CACNA2D1: variants seen among roughly 807,000 people sequenced by gnomAD.
The protein encoded by CACNA2D1 is calcium voltage-gated channel auxiliary subunit alpha2delta 1.
CACNA2D1 carries 53 observed loss-of-function variants against 171.5 expected under a neutral mutation model. The observed-to-expected ratio is 0.31, with a 90% CI of 0.25 to 0.39. CACNA2D1 has a LOEUF of 0.39. CACNA2D1 is among the 10% of genes least tolerant of loss of function. CACNA2D1 has a pLI of 1.00. For synonymous variants in CACNA2D1, 442 were observed against 443.1 expected (o/e 1.00, Z 0.03); for missense variants, 903 against 1,299.8 (o/e 0.69, Z 4.69).
At chr7:82,219,649 T>C (rs1221786708) in intron 3 of CACNA2D1, among the ~76,000 whole-genome samples, 8 of 152,134 alleles carry the variant, frequency 5.3e-5, no homozygotes, top group Non-Finnish European at 7.4e-5. Context: ...AGTCTCAGCT[T>C]TCTGAAAAGT....
chr7:82,415,186 G>A, intron 1 of CACNA2D1, among the ~76,000 whole-genome samples: 1 of 152,084 alleles, frequency 6.6e-6, no homozygotes, highest in Non-Finnish European at 1.5e-5. Context: ...AAATCTCTTT[G>A]TCCAAGAATG....
chr7:82,398,916 TTTCC>T (rs1826038350), intron 1 of CACNA2D1, among the ~76,000 whole-genome samples: 1 of 151,914 alleles, frequency 6.6e-6, no homozygotes, highest in Non-Finnish European at 1.5e-5. Flanking sequence ...TCTACCCTTC[TTTCC>T]TTCCTTCCAT....
intron 3 of CACNA2D1, among the ~76,000 whole-genome samples, chr7:82,203,992 T>C (rs1799755280): frequency 2.0e-5 from 3 of 152,200 alleles, no homozygotes; most frequent in Admixed American, 2.0e-4. Flanking sequence ...GCAAGAGATC[T>C]TGGGACCTGT....
At chr7:82,010,410 T>C (rs1161329523) in intron 15 of CACNA2D1, among the ~76,000 whole-genome samples, 1 of 151,484 alleles carries the variant, frequency 6.6e-6, no homozygotes, top group Non-Finnish European at 1.5e-5. Context: ...TTTCAGCTTA[T>C]AGCACAGCAC....
chr7:82,429,225 T>C (rs925477146), intron 1 of CACNA2D1, among the ~76,000 whole-genome samples: 4 of 152,220 alleles, frequency 2.6e-5, no homozygotes, highest in African/African-American at 9.6e-5. Flanking sequence ...ATTTTCTTCA[T>C]ATCTTATAAC....
At chr7:82,176,546 G>C (rs1189145012) in intron 3 of CACNA2D1, among the ~76,000 whole-genome samples, 1 of 151,824 alleles carries the variant, frequency 6.6e-6, no homozygotes, top group African/African-American at 2.4e-5. Context: ...AAAAGGTTCT[G>C]TTAGCTAAAG....
At chr7:82,425,353 T>C (rs1220309165) in intron 1 of CACNA2D1, among the ~76,000 whole-genome samples, 1 of 152,104 alleles carries the variant, frequency 6.6e-6, no homozygotes, top group Non-Finnish European at 1.5e-5. Flanking sequence ...AGGCAACACC[T>C]TACTGCAGCC....
chr7:82,262,117 G>A (rs532369256), intron 3 of CACNA2D1, among the ~76,000 whole-genome samples: 117 of 152,306 alleles, frequency 7.7e-4, no homozygotes, highest in Admixed American at 1.2e-3. Context: ...AGATCACGAG[G>A]TCAGGAGATC....
chr7:82,150,725 T>C (rs1390152905), intron 4 of CACNA2D1, among the ~76,000 whole-genome samples: 1 of 152,180 alleles, frequency 6.6e-6, no homozygotes, highest in Non-Finnish European at 1.5e-5. Flanking sequence ...TATAATTAAA[T>C]GACATTCATT....
At chr7:82,255,797 G>A (rs537275349) in intron 3 of CACNA2D1, among the ~76,000 whole-genome samples, 154 of 152,280 alleles carry the variant, frequency 1.0e-3, no homozygotes, top group African/African-American at 3.6e-3. Context: ...TTCTTTCCTT[G>A]TTTGAATTAC....
intron 1 of CACNA2D1, among the ~76,000 whole-genome samples, chr7:82,367,513 T>C (rs1045858236): frequency 6.6e-6 from 1 of 152,138 alleles, no homozygotes; most frequent in Non-Finnish European, 1.5e-5. Flanking sequence ...CAGGTTCCTA[T>C]TGTTTCTTCA....
chr7:82,148,096 A>C (rs1156367293), intron 4 of CACNA2D1, among the ~76,000 whole-genome samples: 1 of 152,212 alleles, frequency 6.6e-6, no homozygotes, highest in Non-Finnish European at 1.5e-5. Context: ...ATTAACAACA[A>C]TAATCAAATA....
chr7:81,960,133 TTTC>T (rs1793935310), intron 36 of CACNA2D1, among the ~76,000 whole-genome samples: 1 of 152,086 alleles, frequency 6.6e-6, no homozygotes, highest in Non-Finnish European at 1.5e-5. Context: ...GAAAAAAGTT[TTTC>T]TTTACACATA....
At chr7:82,187,605 C>T (rs192334021) in intron 3 of CACNA2D1, among the ~76,000 whole-genome samples, 13 of 152,136 alleles carry the variant, frequency 8.5e-5, no homozygotes, top group African/African-American at 2.6e-4. Flanking sequence ...CAGCTGATAG[C>T]CATCAATGAA....
At chr7:82,312,989 C>T (rs560288999) in intron 3 of CACNA2D1, among the ~76,000 whole-genome samples, 2 of 152,224 alleles carry the variant, frequency 1.3e-5, no homozygotes, top group South Asian at 2.1e-4. Context: ...CTGTTATTAA[C>T]GATCCATTTA....
intron 35 of CACNA2D1, 127 bp from the exon 36 acceptor site, chr7:81,962,150 C>T (rs969408291): frequency 1.9e-5 from 16 of 826,870 alleles, no homozygotes; most frequent in Non-Finnish European, 3.0e-5. Context: ...CCTCGACTGG[C>T]TTGTTTACTG....
chr7:82,006,347 C>G (rs1007328444), intron 16 of CACNA2D1, among the ~76,000 whole-genome samples: 1 of 151,932 alleles, frequency 6.6e-6, no homozygotes, highest in African/African-American at 2.4e-5. Context: ...ATAAAATCCT[C>G]AAAACACTAT....
At chr7:82,193,185 A>C (rs200340960) in intron 3 of CACNA2D1, among the ~76,000 whole-genome samples, 1 of 87,880 alleles carries the variant, frequency 1.1e-5, no homozygotes. Flanking sequence ...TCAAGTAAAT[A>C]AGGCCAAACA....
At chr7:82,163,813 T>C (rs2129137429) in intron 4 of CACNA2D1, among the ~76,000 whole-genome samples, 1 of 152,098 alleles carries the variant, frequency 6.6e-6, no homozygotes, top group East Asian at 1.9e-4. Flanking sequence ...ATCAAGAGAC[T>C]GTGCCAACTT....
Sources: allele counts gnomAD v4.1 joint callset (sites outside exome capture counted in the v4.1 genomes callset), GRCh38; gene constraint gnomAD v4.1.1; transcripts MANE v1.5; gene names NCBI Gene and HGNC (gene_info 2026-07-23, HGNC 2026-07-21).